ARHGAP25: variants seen among roughly 807,000 people sequenced by gnomAD.
ARHGAP25 encodes rho GTPase-activating protein 25.
A neutral mutation model predicts 71.0 loss-of-function variants in ARHGAP25; 34 were observed. The ratio of observed to expected loss-of-function variants is 0.48; its 90% CI spans 0.36 to 0.64. The LOEUF (loss-of-function observed/expected upper bound fraction) is 0.64. Ranked by LOEUF, ARHGAP25 falls within the 30% of genes least tolerant of loss-of-function variation. ARHGAP25 has a pLI of 0.00. For missense variants in ARHGAP25, 706 were observed against 805.1 expected, an observed-to-expected ratio of 0.88 and a Z score of 1.49; for synonymous variants, 282 against 296.5, an observed-to-expected ratio of 0.95 and a Z score of 0.50.
intron 1 of ARHGAP25, among the ~76,000 whole-genome samples, chr2:68,755,479 A>C (rs1676422224): frequency 6.6e-6 from 1 of 152,268 alleles, no homozygotes; most frequent in African/African-American, 2.4e-5. Context: ...AAGTTAATTC[A>C]AAATGGCATT....
chr2:68,720,301 T>C (rs1274883926), intron 2 of ARHGAP25, among the ~76,000 whole-genome samples: 1 of 49,712 alleles, frequency 2.0e-5, no homozygotes. Context: ...ATTGCAGACA[T>C]AGAAACATTT....
intron 4 of ARHGAP25, among the ~76,000 whole-genome samples, chr2:68,802,894 TAC>T (rs958556926): frequency 6.6e-6 from 1 of 151,880 alleles, no homozygotes; most frequent in African/African-American, 2.4e-5. Context: ...AATCCATATG[TAC>T]ACACACATAT....
At chr2:68,806,658 G>T (rs1558651625) in intron 4 of ARHGAP25, among the ~76,000 whole-genome samples, 1 of 152,234 alleles carries the variant, frequency 6.6e-6, no homozygotes, top group Non-Finnish European at 1.5e-5. Flanking sequence ...ATTTCATCAT[G>T]CTACTCAGAA....
At chr2:68,763,923 A>G (rs4241343) in intron 1 of ARHGAP25, among the ~76,000 whole-genome samples, 128,868 of 152,184 alleles carry the variant, frequency 0.85, 54,795 homozygotes, top group African/African-American at 0.89. Flanking sequence ...CATTGTAAGT[A>G]TACAATTCAA....
chr2:68,813,266 G>A (rs183934064), intron 5 of ARHGAP25, 21 bp from the exon 6 acceptor site: 75 of 1,600,574 alleles, frequency 4.7e-5, no homozygotes, highest in Admixed American at 2.7e-4. Flanking sequence ...GTTTCACAGA[G>A]CGTTGCTTAT....
intron 5 of ARHGAP25, among the ~76,000 whole-genome samples, chr2:68,808,103 C>T (rs922296778): frequency 1.3e-5 from 2 of 152,198 alleles, no homozygotes; most frequent in Non-Finnish European, 2.9e-5. Flanking sequence ...CCCACCACCC[C>T]CTTCCTCCCC....
chr2:68,735,348 C>G, intron 1 of ARHGAP25, 88 bp downstream of exon 1: 1 of 1,353,668 alleles, frequency 7.4e-7, no homozygotes, highest in Non-Finnish European at 1.1e-6. Flanking sequence ...GCATAGTCTA[C>G]TTAAAAATGG....
At chr2:68,787,362 G>T (rs1157640313) in intron 3 of ARHGAP25, among the ~76,000 whole-genome samples, 1 of 152,156 alleles carries the variant, frequency 6.6e-6, no homozygotes, top group Non-Finnish European at 1.5e-5. Context: ...CACCAATTTT[G>T]TGAAAAAAGC....
intron 5 of ARHGAP25, among the ~76,000 whole-genome samples, chr2:68,811,017 C>T (rs1238743730): frequency 2.6e-5 from 4 of 152,192 alleles, no homozygotes; most frequent in Non-Finnish European, 4.4e-5. Context: ...GCTGGGACTA[C>T]AGACATAAGC....
chr2:68,750,521 A>C (rs1573430229), intron 1 of ARHGAP25, among the ~76,000 whole-genome samples: 1 of 151,818 alleles, frequency 6.6e-6, no homozygotes, highest in African/African-American at 2.4e-5. Flanking sequence ...GGGTTTTGCT[A>C]TGTCGGCCAG....
chr2:68,784,445 C>G (rs776123621), intron 3 of ARHGAP25, among the ~76,000 whole-genome samples: 2 of 152,016 alleles, frequency 1.3e-5, no homozygotes, highest in African/African-American at 4.8e-5. Context: ...CTGTGATCAC[C>G]AGTTTTAGTT....
chr2:68,719,031 G>A (rs1356806559), intron 2 of ARHGAP25, among the ~76,000 whole-genome samples: 7 of 152,130 alleles, frequency 4.6e-5, no homozygotes, highest in Non-Finnish European at 8.8e-5. Context: ...TCTGGGGTTG[G>A]TAAACACATC....
At chr2:68,757,159 G>A (rs1232918921) in intron 1 of ARHGAP25, among the ~76,000 whole-genome samples, 1 of 152,074 alleles carries the variant, frequency 6.6e-6, no homozygotes, top group African/African-American at 2.4e-5. Flanking sequence ...AGTGATCAGA[G>A]CCTAAGAGAC....
intron 4 of ARHGAP25, among the ~76,000 whole-genome samples, chr2:68,791,781 A>G (rs1020687288): frequency 6.6e-6 from 1 of 151,998 alleles, no homozygotes; most frequent in Non-Finnish European, 1.5e-5. Context: ...CCTTGACTGG[A>G]GAGATGGCCC....
chr2:68,792,119 C>G (rs1303296136), intron 4 of ARHGAP25, among the ~76,000 whole-genome samples: 1 of 152,186 alleles, frequency 6.6e-6, no homozygotes, highest in African/African-American at 2.4e-5. Flanking sequence ...CTGTCCAGAC[C>G]TGCTTTTGTC....
chr2:68,789,406 A>G (rs562763421), intron 4 of ARHGAP25, among the ~76,000 whole-genome samples: 159 of 152,306 alleles, frequency 1.0e-3, no homozygotes, highest in African/African-American at 3.7e-3. Flanking sequence ...ATGATGTTAA[A>G]CAACCAAGAA....
intron 6 of ARHGAP25, among the ~76,000 whole-genome samples, chr2:68,814,216 C>G (rs1681040592): frequency 6.6e-6 from 1 of 152,184 alleles, no homozygotes; most frequent in African/African-American, 2.4e-5. Context: ...CTAGATTTAA[C>G]CTTGATTTTG....
intron 1 of ARHGAP25, among the ~76,000 whole-genome samples, chr2:68,772,709 C>T (rs1402092464): frequency 6.6e-6 from 1 of 152,176 alleles, no homozygotes; most frequent in African/African-American, 2.4e-5. Flanking sequence ...CAAAATCTTT[C>T]TGTAGTTCTT....
At chr2:68,744,611 A>G (rs965687948) in intron 1 of ARHGAP25, among the ~76,000 whole-genome samples, 2 of 152,206 alleles carry the variant, frequency 1.3e-5, no homozygotes, top group East Asian at 3.8e-4. Flanking sequence ...TCTGTAACAA[A>G]AGCTTTTCTT....
Sources: gnomAD v4.1 joint callset for allele counts (sites outside exome capture counted in the v4.1 genomes callset) on GRCh38, gnomAD v4.1.1 for gene constraint, MANE v1.5 for transcripts, NCBI Gene and HGNC (gene_info 2026-07-23, HGNC 2026-07-21) for gene names.